The following BRD4 variants were observed in gnomAD, a reference collection of about 807,000 sequenced individuals.
BRD4 encodes bromodomain containing 4.
BRD4 carries 16 observed loss-of-function variants against 142.1 expected under a neutral mutation model. That is an observed-to-expected ratio of 0.11 (90% CI 0.08 to 0.17). BRD4 has a LOEUF of 0.17. Among genes scored for constraint, BRD4 ranks in the 10% least tolerant of loss-of-function variants. The pLI is 1.00. For synonymous variants in BRD4, 833 were observed against 707.5 expected (o/e 1.18, Z -2.82); for missense variants, 1,424 against 1,810.9 (o/e 0.79, Z 3.88).
At chr19:15,296,959 A>C (rs1406321530) in intron 1 of BRD4, among the ~76,000 whole-genome samples, 1 of 152,148 alleles carries the variant, frequency 6.6e-6, no homozygotes, top group Non-Finnish European at 1.5e-5. Context: ...TGAAACAAAC[A>C]GATACTTCAA....
rs2145503126 is a variant in BRD4, at chr19:15,239,994, A to G, written c.3198T>C (p.Leu1066=). The change falls in exon 15 of 20, where the codon CTT becomes CTC. Residue 1066 remains leucine (L), a synonymous_variant. Transcript: ENST00000679869. The surrounding 1 kb of genome is among the most constrained non-coding windows in gnomAD (Gnocchi z 7.4). ...TGHLREAPSP[L]MIHSPQMSQF... ...GTGACATCTGGGGGGAATGTATCAT[A>G]AGCGGGGAGGGGGCTTCGCGGAGGT... is the stretch of plus-strand genomic sequence containing the variant. 1 of 1,613,302 alleles carries G rather than the reference A, an allele frequency of 6.2e-7. No individual in the cohort carries two copies. The highest frequency in any genetic ancestry group is 8.5e-7 in the Non-Finnish European group (1 of 1,179,796).
At position 15,273,158 on chromosome 19, in the gene BRD4, G is replaced by T; in HGVS notation, c.-34-25C>A. ...TCTACAAAGGAAGAGAAGAGCCCCC[G>T]TGAGATATCAGTCAGCAGATGGGCA... is the stretch of plus-strand genomic sequence containing the variant. On this transcript the variant is annotated intron_variant, in intron 1 of 19. Coordinates refer to ENST00000679869, the MANE Select transcript of BRD4 (RefSeq NM_001379291.1). The T allele has an allele frequency of 3.3e-6, 5 of 1,524,064 alleles. No individual in the cohort carries two copies. In the East Asian group the frequency reaches 9.1e-5, roughly 28 times the overall value. The allele number at this position is 1,524,064 out of a possible 1,614,324, so 94.4% of individuals were successfully genotyped here.
At chr19:15,285,744 T>C (rs1216885126) in intron 1 of BRD4, among the ~76,000 whole-genome samples, 1 of 152,160 alleles carries the variant, frequency 6.6e-6, no homozygotes, top group Non-Finnish European at 1.5e-5. Flanking sequence ...TTTTTACATT[T>C]GTTTTTCCCA....
chr19:15,278,436 G>A (rs1427890814), intron 1 of BRD4, among the ~76,000 whole-genome samples: 1 of 150,922 alleles, frequency 6.6e-6, no homozygotes. Context: ...TCCAGAGGCT[G>A]AGACAGGAGA....
rs535406892 is a variant in BRD4, at chr19:15,289,103, G to A, written c.-34-15970C>T. Among the ~76,000 whole-genome samples the A allele has an allele frequency of 3.9e-5, 6 of 152,150 alleles. No homozygotes were observed. In the South Asian group the frequency reaches 8.3e-4, roughly 21 times the overall value. On this transcript the variant is annotated intron_variant, in intron 1 of 19. Transcript: ENST00000679869. ...CCTTTGTTTAGTAACCCCACTCCCC[G>A]ACACAGGCCCCATAGCTCTGTTTTC... is the stretch of plus-strand genomic sequence containing the variant.
intron 1 of BRD4, among the ~76,000 whole-genome samples, chr19:15,318,424 C>T (rs1274670134): frequency 1.3e-5 from 2 of 152,148 alleles, no homozygotes; most frequent in East Asian, 3.8e-4. Context: ...ATTTCCTATT[C>T]CTTCCACCAG....
chr19:15,302,668 C>CAAAA (rs572714842), intron 1 of BRD4, among the ~76,000 whole-genome samples: 2 of 56,790 alleles, frequency 3.5e-5, no homozygotes, highest in Non-Finnish European at 5.9e-5. Context: ...GACTCCGACT[C>CAAAA]AAAAAAAAAA....
chr19:15,331,927 G>T (rs1292467584), intron 1 of BRD4: 3 of 144,826 alleles, frequency 2.1e-5, no homozygotes, highest in South Asian at 2.0e-4. Context: ...AGGAAGTGCC[G>T]GGCGCCTCGG....
chr19:15,253,710 G>A lies in BRD4; in HGVS notation c.2158+442C>T, dbSNP rs2047373815. 4 of 1,598,458 alleles carry A rather than the reference G, an allele frequency of 2.5e-6. No individual in the cohort carries two copies. The East Asian group carries it at 6.7e-5, about 27-fold the overall frequency. ...CCAGAAACCAGCGAAGCATCTCCCT[G>A]AAGCGGCCGCACTGCACGTGACTGT... is the stretch of plus-strand genomic sequence containing the variant. On this transcript the variant is annotated intron_variant, in intron 11 of 19. Coordinates refer to ENST00000679869, the MANE Select transcript of BRD4 (RefSeq NM_001379291.1).
At chr19:15,323,131 C>T (rs1260927719) in intron 1 of BRD4, among the ~76,000 whole-genome samples, 1 of 126,834 alleles carries the variant, frequency 7.9e-6, no homozygotes, top group Admixed American at 9.8e-5. Context: ...CATTTGAACC[C>T]AGAAGTTCAA....
intron 3 of BRD4, among the ~76,000 whole-genome samples, chr19:15,268,490 T>G (rs1049282644): frequency 9.6e-6 from 1 of 103,648 alleles, no homozygotes; most frequent in Non-Finnish European, 2.1e-5. Context: ...CTCTCTCACG[T>G]GGAGGTCTCT....
chr19:15,250,090 C>T lies in BRD4; in HGVS notation c.2158+4062G>A, dbSNP rs140983198. 9.2e-5 allele frequency among the ~76,000 whole-genome samples: 14 copies of T among 152,248 alleles called. 1 individual carries two copies. Among genetic ancestry groups the T allele is most frequent in the Non-Finnish European group, 1.6e-4 (11 of 68,012 alleles). ...CTGCTGGAGTCACGGATGCAACCGACGTGCTACTCCCTGGCCCCTGAGTGC... is the reference window on the plus strand; with the variant it reads ...CTGCTGGAGTCACGGATGCAACCGATGTGCTACTCCCTGGCCCCTGAGTGC... On this transcript the variant is annotated intron_variant, in intron 11 of 19. Transcript: ENST00000679869.
intron 1 of BRD4, among the ~76,000 whole-genome samples, chr19:15,326,027 G>T (rs28620626): frequency 2.2e-4 from 30 of 136,514 alleles, no homozygotes; most frequent in Admixed American, 8.8e-4. Context: ...AAGAAAGAAA[G>T]AAAAAGAAAA....
At position 15,269,037 on chromosome 19, in the gene BRD4, G is replaced by A. The variant is rs757645238; in HGVS notation, c.291C>T (p.Tyr97=). Residue 97 remains tyrosine, a synonymous_variant, in exon 3 of 20, where the codon TAC becomes TAT. Coordinates refer to ENST00000679869, the MANE Select transcript of BRD4 (RefSeq NM_001379291.1). ...VDAVKLNLPD[Y]YKIIKTPMDM... ...CCATAGGCGTTTTAATGATCTTATA[G>A]TAATCCTGGAGAGCAGAGAGCAAAA... 6.2e-7 allele frequency: 1 copy of A among 1,614,066 alleles called. No homozygotes were observed. The highest frequency in any genetic ancestry group is 1.1e-5 in the South Asian group (1 of 91,072).
rs753110356 is a variant in BRD4 at position 15,239,467 on chromosome 19, C to G, written c.3501G>C (p.Gln1167His). 1 of 1,614,156 alleles carries G rather than the reference C, an allele frequency of 6.2e-7. No homozygotes were observed. The highest frequency in any genetic ancestry group is 1.7e-5 in the Admixed American group (1 of 60,032). ...CAGGGGCCCCTGGTGGCGGTGCGTT[C>G]TGCTCTGGGGGCCGGATCACAGGCC... ...VGRPVIRPPE[Q>H]NAPPPGAPDK... Residue 1167 changes from glutamine to histidine, a missense_variant, in exon 17 of 20, where the codon CAG becomes CAC. Gln to His is a conservative substitution (Grantham distance 24, BLOSUM62 0). Transcript: ENST00000679869. This position sits in a 1 kb window ranked among gnomAD's most constrained non-coding sequence, Gnocchi z 7.4.
intron 1 of BRD4, among the ~76,000 whole-genome samples, chr19:15,295,429 C>T (rs1033389090): frequency 1.3e-5 from 2 of 152,198 alleles, no homozygotes; most frequent in African/African-American, 2.4e-5. Context: ...TCCGTGTGTC[C>T]TCCATTTTTG....
rs1008719671 is a variant in BRD4 at position 15,244,559 on chromosome 19, A to T, written c.2253T>A (p.Ala751=). 1.9e-6 allele frequency: 3 copies of T among 1,602,022 alleles called. No individual in the cohort carries two copies. In the East Asian group the frequency reaches 6.7e-5, roughly 36 times the overall value. The change falls in exon 13 of 20, where the codon GCT becomes GCA. Residue 751 remains alanine, a synonymous_variant. Coordinates refer to ENST00000679869, the MANE Select transcript of BRD4 (RefSeq NM_001379291.1). ...GCGGGGGCGGCTGCTGGGGCACAGG[A>T]GCCGGGGCCTGCTGCATCTGCTGAT... The part of the protein sequence containing the change: ...HHHQQMQQAP[A]PVPQQPPPPP...
intron 1 of BRD4, among the ~76,000 whole-genome samples, chr19:15,299,488 G>T (rs1269968896): frequency 6.6e-6 from 1 of 152,142 alleles, no homozygotes; most frequent in East Asian, 1.9e-4. Flanking sequence ...GGTGGGTAGG[G>T]GGTGAATGAA....
rs2047213854 is a variant in BRD4, at chr19:15,238,814, G to C, written c.3949C>G (p.Pro1317Ala). ...CTCTGCTGGTCCAGCATGGACTGGG[G>C]CTGGGAGCTCTGGGCCTGTGGGGTG... Reference protein sequence around the residue: ...AATPQAQSSQPQSMLDQQREL... With the variant: ...AATPQAQSSQAQSMLDQQREL... Residue 1317 changes from proline (P) to alanine (A), a missense_variant, in exon 19 of 20, where the codon CCC becomes GCC. By Grantham distance (27) the Pro-to-Ala change is conservative (BLOSUM62 -1). Coordinates refer to ENST00000679869, the MANE Select transcript of BRD4 (RefSeq NM_001379291.1). The surrounding 1 kb of genome is among the most constrained non-coding windows in gnomAD (Gnocchi z 7.2). 2 of 1,603,636 alleles carry C rather than the reference G, an allele frequency of 1.2e-6. No individual in the cohort carries two copies. Among genetic ancestry groups the C allele is most frequent in the Non-Finnish European group, 1.7e-6 (2 of 1,174,256 alleles).
Sources: gnomAD v4.1 joint callset for allele counts (sites outside exome capture counted in the v4.1 genomes callset) on GRCh38, gnomAD v4.1.1 for gene constraint, Gnocchi (gnomAD v3.1) non-coding constraint, MANE v1.5 for transcripts, NCBI Gene and HGNC (gene_info 2026-07-23, HGNC 2026-07-21) for gene names.